Variants in PCDHA1 observed in about 807,000 individuals in gnomAD.
PCDHA1 encodes protocadherin alpha-1.
PCDHA1 carries 42 observed loss-of-function variants against 61.3 expected under a neutral mutation model. The observed-to-expected ratio is 0.69, with a 90% CI of 0.54 to 0.89. The LOEUF (loss-of-function observed/expected upper bound fraction) is 0.89, where lower values mean the gene tolerates loss of function less well. Ranked by LOEUF, PCDHA1 falls within the 40% of genes least tolerant of loss-of-function variation. The pLI is 0.00. For synonymous variants in PCDHA1, 610 were observed against 553.8 expected, an observed-to-expected ratio of 1.10 and a Z score of -1.43; for missense variants, 1,256 against 1,235.3, an observed-to-expected ratio of 1.02 and a Z score of -0.25.
At chr5:140,936,124 C>T (rs2090779585) in intron 1 of PCDHA1, among the ~76,000 whole-genome samples, 1 of 152,130 alleles carries the variant, frequency 6.6e-6, no homozygotes, top group African/African-American at 2.4e-5. Context: ...AACTCCTGAC[C>T]TTAAGTGATC....
intron 1 of PCDHA1, chr5:140,825,249 A>G (rs1212475571): frequency 6.6e-5 from 10 of 151,408 alleles, no homozygotes; most frequent in African/African-American, 2.4e-4. Context: ...ATGGTGTTCC[A>G]TTGTGTAGGT....
intron 3 of PCDHA1, among the ~76,000 whole-genome samples, chr5:140,990,731 A>G (rs1554251699): frequency 1.3e-5 from 2 of 152,166 alleles, no homozygotes; most frequent in South Asian, 4.1e-4. Flanking sequence ...AGGTATATCA[A>G]CAGCCCTAGG....
At chr5:140,871,074 G>A (rs1210767724) in intron 1 of PCDHA1, 1 of 1,613,096 alleles carries the variant, frequency 6.2e-7, no homozygotes, top group African/African-American at 1.3e-5. Context: ...GTGAGCCGGC[G>A]CTGACGGCCA....
chr5:140,887,950 A>G (rs1397658604), intron 1 of PCDHA1, among the ~76,000 whole-genome samples: 1 of 152,110 alleles, frequency 6.6e-6, no homozygotes, highest in Non-Finnish European at 1.5e-5. Context: ...TATCTGTATA[A>G]GATTCTTTTT....
At chr5:140,835,644 T>C (rs1554135160) in intron 1 of PCDHA1, 6 of 1,613,948 alleles carry the variant, frequency 3.7e-6, no homozygotes, top group Non-Finnish European at 4.2e-6. Flanking sequence ...TGTGTCCGCC[T>C]ATGAGCTGGT....
Position 140,843,095 on chromosome 5 carries a change from G to GC in PCDHA1, c.2394+54412dup. On this transcript the variant is annotated intron_variant, in intron 1 of 3. Coordinates refer to ENST00000504120, the MANE Select transcript of PCDHA1 (RefSeq NM_018900.4). ...GTCTGTGGGCGCGGGCCACGTGGTA[G>GC]CGAAGGTGCGCGCAGTGGACGCCGA... is the stretch of plus-strand genomic sequence containing the variant. The GC allele has an allele frequency of 4.4e-6, 7 of 1,595,672 alleles. 2 individuals are homozygous for GC. The highest frequency in any genetic ancestry group is 6.0e-6 in the Non-Finnish European group (7 of 1,165,442).
At position 140,796,702 on chromosome 5, in the gene PCDHA1, C is replaced by G. The variant is rs782377938; in HGVS notation, c.2394+8018C>G. ...CACCGCTGCTGGCGCAGTGAGTGAG[C>G]TGGTGCCGTGGTCGGTGGGTGCAGG... On this transcript the variant is annotated intron_variant, in intron 1 of 3. Transcript: ENST00000504120. 24 of 1,613,870 alleles carry G rather than the reference C, an allele frequency of 1.5e-5. No individual in the cohort carries two copies. The highest frequency in any genetic ancestry group is 1.9e-5 in the Non-Finnish European group (22 of 1,179,922).
In PCDHA1 at chr5:140,969,100, C is replaced by T. The variant is rs781998624; in HGVS notation, c.2395-9849C>T. ...ATGGCCTCAAAGTGCAGCCTCACTT[C>T]ATTGAAGTTCGAGGGAATGGCTCCC... On this transcript the variant is annotated intron_variant, in intron 1 of 3. Coordinates refer to ENST00000504120, the MANE Select transcript of PCDHA1 (RefSeq NM_018900.4). The T allele has an allele frequency of 8.7e-6, 14 of 1,614,054 alleles. No individual in the cohort carries two copies. The South Asian group carries it at 8.8e-5, about 10-fold the overall frequency.
At chr5:140,801,974 C>A (rs184163664) in intron 1 of PCDHA1, 4 of 1,614,146 alleles carry the variant, frequency 2.5e-6, no homozygotes, top group Non-Finnish European at 3.4e-6. Flanking sequence ...CAAATGGTAC[C>A]CTAGTGGTGA....
intron 1 of PCDHA1, among the ~76,000 whole-genome samples, chr5:140,904,496 A>G (rs1174844806): frequency 1.3e-5 from 2 of 151,832 alleles, no homozygotes; most frequent in Non-Finnish European, 2.9e-5. Context: ...CCAAATTTTT[A>G]CAATTGTGAA....
chr5:140,940,983 C>G lies in PCDHA1; in HGVS notation c.2395-37966C>G, dbSNP rs572659107. On this transcript the variant is annotated intron_variant, in intron 1 of 3. Coordinates refer to ENST00000504120, the MANE Select transcript of PCDHA1 (RefSeq NM_018900.4). ...ATGCAGGATATCTGGTATCTAGTTA[C>G]AAGTTTATAGGATTAAATTTTCCTT... 3.9e-5 allele frequency among the ~76,000 whole-genome samples: 6 copies of G among 152,294 alleles called. No homozygotes were observed. In the South Asian group the frequency reaches 1.0e-3, roughly 26 times the overall value.
intron 3 of PCDHA1, among the ~76,000 whole-genome samples, chr5:140,985,145 G>A (rs2097138679): frequency 6.6e-6 from 1 of 152,080 alleles, no homozygotes; most frequent in South Asian, 2.1e-4. Context: ...CACCGTGTTA[G>A]CCAGGATTGT....
At chr5:140,875,760 C>T (rs781811926) in intron 1 of PCDHA1, 8 of 1,614,080 alleles carry the variant, frequency 5.0e-6, no homozygotes, top group Non-Finnish European at 5.9e-6. Context: ...AGAAGCTGTG[C>T]GGGCGGAGCG....
chr5:140,904,685 G>A (rs2071317723), intron 1 of PCDHA1, among the ~76,000 whole-genome samples: 1 of 152,104 alleles, frequency 6.6e-6, no homozygotes, highest in African/African-American at 2.4e-5. Context: ...CCCACCAGCA[G>A]TGTAAAATTG....
At chr5:140,858,653 TTTTAAATAACAATTTATTCTGAATACAC>T in intron 1 of PCDHA1, 1 of 816,482 alleles carries the variant, frequency 1.2e-6, no homozygotes, top group Non-Finnish European at 1.9e-6. Flanking sequence ...ACTTAAATTT[TTTTAAATAACAATTTATTCTGAATACAC>T]TAATATTTTC....
Position 140,848,175 on chromosome 5 carries a change from A to C in PCDHA1, c.2394+59491A>C, listed in dbSNP as rs1003138626. The C allele has an allele frequency of 1.1e-4, 28 of 264,776 alleles. 3 individuals are homozygous for C. The highest frequency in any genetic ancestry group is 1.8e-4 in the Non-Finnish European group (25 of 138,828). 16.4% of individuals were successfully genotyped at this position (264,776 alleles called of 1,614,324 possible). On this transcript the variant is annotated intron_variant, in intron 1 of 3. Transcript: ENST00000504120. ...AGTCTGCTAAGAAGGCTCCAGCAAG[A>C]GAAACGGGATCTTCTGTTTCAACAA...
intron 1 of PCDHA1, chr5:140,856,383 C>A (rs1053203263): frequency 3.8e-6 from 6 of 1,598,432 alleles, no homozygotes; most frequent in Non-Finnish European, 5.1e-6. Flanking sequence ...GTGGACAGGC[C>A]GCTGCAGGTT....
In PCDHA1 at chr5:140,834,653, C is replaced by G. The variant is rs2150223480; in HGVS notation, c.2394+45969C>G. The stretch of plus-strand genomic sequence containing the variant: ...GCATTTTGTTTGTGAATTCTCGGAT[C>G]GACCGCGAGGAGCTGTGCGGGCGGA... On this transcript the variant is annotated intron_variant, in intron 1 of 3. Coordinates refer to ENST00000504120, the MANE Select transcript of PCDHA1 (RefSeq NM_018900.4). 2.5e-6 allele frequency: 4 copies of G among 1,614,190 alleles called. No homozygotes were observed. In the East Asian group the frequency reaches 6.7e-5, roughly 27 times the overall value.
intron 1 of PCDHA1, chr5:140,865,841 T>C (rs1371165787): frequency 1.3e-5 from 2 of 152,176 alleles, no homozygotes; most frequent in African/African-American, 4.8e-5. Flanking sequence ...CTTTAGTAAG[T>C]CATTTCTCTG....
Sources: gnomAD v4.1 joint callset for allele counts (sites outside exome capture counted in the v4.1 genomes callset) on GRCh38, gnomAD v4.1.1 for gene constraint, MANE v1.5 for transcripts, NCBI Gene and HGNC (gene_info 2026-07-23, HGNC 2026-07-21) for gene names.